Variants in GPR158 observed in about 807,000 individuals in gnomAD.
The protein encoded by GPR158 is G protein-coupled receptor 158.
Under a neutral mutation model 78.2 loss-of-function variants are expected in GPR158, and 30 were observed. The ratio of observed to expected loss-of-function variants is 0.38; its 90% confidence interval spans 0.29 to 0.52. The LOEUF (loss-of-function observed/expected upper bound fraction) is 0.52, where lower values mean the gene tolerates loss of function less well. Ranked by LOEUF, GPR158 falls within the 20% of genes least tolerant of loss-of-function variation. The probability of loss-of-function intolerance (pLI) is 0.83; values close to 1 mark genes in which losing one functional copy is unlikely to be tolerated. For missense variants in GPR158, 1,463 were observed against 1,523.5 expected (o/e 0.96, Z 0.66); for synonymous variants, 581 against 591.1 (o/e 0.98, Z 0.25).
chr10:25,478,255 G>T (rs531066308), intron 5 of GPR158, among the ~76,000 whole-genome samples: 45 of 152,200 alleles, frequency 3.0e-4, no homozygotes, highest in Middle Eastern at 3.4e-3. Flanking sequence ...AAAGCAACAG[G>T]TTATCATCTT....
chr10:25,433,591 G>A (rs1256641764), intron 4 of GPR158, among the ~76,000 whole-genome samples: 5 of 151,094 alleles, frequency 3.3e-5, no homozygotes, highest in South Asian at 2.1e-4. Context: ...GTGCGCGTGC[G>A]CATATATGAA....
At chr10:25,241,089 A>G (rs1314807500) in intron 2 of GPR158, among the ~76,000 whole-genome samples, 1 of 149,864 alleles carries the variant, frequency 6.7e-6, no homozygotes, top group Non-Finnish European at 1.5e-5. Flanking sequence ...GTATTTTTTA[A>G]CTCAATTATG....
chr10:25,281,772 C>T (rs553151252), intron 2 of GPR158, among the ~76,000 whole-genome samples: 6 of 152,008 alleles, frequency 3.9e-5, no homozygotes, highest in African/African-American at 1.4e-4. Context: ...TAGTAAAGAG[C>T]AGAATTAGTG....
chr10:25,601,341 A>C lies in GPR158; in HGVS notation c.*2067A>C, dbSNP rs953864024. ...CTATTTTTGTGTCTTTACACCATTT[A>C]TTTCTTTTATCTCTTCCTTTTCAAT... On this transcript the variant is annotated 3_prime_UTR_variant, in exon 11 of 11. Transcript: ENST00000376351. 1.3e-5 allele frequency: 2 copies of C among 152,428 alleles called. No individual in the cohort carries two copies. The highest frequency in any genetic ancestry group is 3.9e-4 in the East Asian group (2 of 5,182). 9.4% of individuals were successfully genotyped at this position (152,428 alleles called of 1,614,324 possible).
chr10:25,398,461 A>C (rs967987162), intron 3 of GPR158, among the ~76,000 whole-genome samples: 1 of 152,188 alleles, frequency 6.6e-6, no homozygotes, highest in Admixed American at 6.5e-5. Flanking sequence ...ATGTTCTGTG[A>C]AGGTATTTTG....
intron 6 of GPR158, among the ~76,000 whole-genome samples, chr10:25,570,233 G>GGAAA (rs1836986402): frequency 2.6e-5 from 4 of 152,228 alleles, no homozygotes; most frequent in African/African-American, 9.6e-5. Context: ...TAATTACAAT[G>GGAAA]GAAACCTTCT....
chr10:25,516,361 G>A (rs1202265769), intron 5 of GPR158, among the ~76,000 whole-genome samples: 4 of 151,630 alleles, frequency 2.6e-5, no homozygotes, highest in Non-Finnish European at 5.9e-5. Flanking sequence ...CTGTGCAGAA[G>A]CTCTTTAGTT....
chr10:25,229,906 G>A (rs1853425863), intron 2 of GPR158, among the ~76,000 whole-genome samples: 1 of 152,208 alleles, frequency 6.6e-6, no homozygotes, highest in Non-Finnish European at 1.5e-5. Context: ...GAGAGGAATT[G>A]AAGTTCCCAT....
intron 2 of GPR158, among the ~76,000 whole-genome samples, chr10:25,263,549 G>T (rs190484107): frequency 6.6e-6 from 1 of 151,686 alleles, no homozygotes; most frequent in African/African-American, 2.4e-5. Context: ...ATTTTATTTC[G>T]TGCTTAAAGA....
intron 2 of GPR158, among the ~76,000 whole-genome samples, chr10:25,281,624 A>C (rs1854276286): frequency 6.6e-6 from 1 of 151,574 alleles, no homozygotes; most frequent in Non-Finnish European, 1.5e-5. Context: ...AATAAATATC[A>C]AAAATTTGGG....
intron 2 of GPR158, among the ~76,000 whole-genome samples, chr10:25,290,813 A>T (rs780021001): frequency 8.5e-5 from 13 of 152,108 alleles, no homozygotes; most frequent in Non-Finnish European, 1.5e-4. Context: ...CTGTTACATT[A>T]CCTTTTCAAA....
intron 4 of GPR158, among the ~76,000 whole-genome samples, chr10:25,427,577 T>A (rs1834841691): frequency 6.6e-6 from 1 of 152,148 alleles, no homozygotes; most frequent in East Asian, 1.9e-4. Context: ...ATAGGTTTTT[T>A]AAATTTGTAT....
chr10:25,368,257 C>T (rs768856915), intron 2 of GPR158, among the ~76,000 whole-genome samples: 1 of 151,472 alleles, frequency 6.6e-6, no homozygotes, highest in Non-Finnish European at 1.5e-5. Context: ...TCAGGATCTA[C>T]TTCTGATGTA....
At chr10:25,292,743 C>G (rs780197195) in intron 2 of GPR158, among the ~76,000 whole-genome samples, 1 of 151,956 alleles carries the variant, frequency 6.6e-6, no homozygotes, top group Non-Finnish European at 1.5e-5. Flanking sequence ...CTTCCTCTCC[C>G]CACATACACA....
intron 2 of GPR158, among the ~76,000 whole-genome samples, chr10:25,251,476 G>A (rs553958062): frequency 2.3e-4 from 35 of 151,684 alleles, no homozygotes; most frequent in African/African-American, 7.3e-4. Flanking sequence ...CATGTTTAGC[G>A]CTTCCTTCAG....
chr10:25,210,058 A>G lies in GPR158; in HGVS notation c.903-10994A>G, dbSNP rs979640968. Reference sequence around the variant, plus strand: ...GCTAAAACTTAAAAGTCGTGAAATTATGAATCTAGAATCTTCAGTTACACA... The same window carrying G: ...GCTAAAACTTAAAAGTCGTGAAATTGTGAATCTAGAATCTTCAGTTACACA... On this transcript the variant is annotated intron_variant, in intron 1 of 10. Coordinates refer to ENST00000376351, the MANE Select transcript of GPR158 (RefSeq NM_020752.3). 1.2e-4 allele frequency among the ~76,000 whole-genome samples: 18 copies of G among 152,346 alleles called. No homozygotes were observed. The South Asian group carries it at 1.2e-3, about 11-fold the overall frequency.
intron 2 of GPR158, among the ~76,000 whole-genome samples, chr10:25,235,904 G>C (rs1157055001): frequency 6.6e-6 from 1 of 151,766 alleles, no homozygotes; most frequent in Non-Finnish European, 1.5e-5. Flanking sequence ...CATCATGTTA[G>C]CCAGGATGGT....
At chr10:25,324,481 G>T (rs946506621) in intron 2 of GPR158, among the ~76,000 whole-genome samples, 10 of 152,168 alleles carry the variant, frequency 6.6e-5, no homozygotes, top group Non-Finnish European at 1.2e-4. Context: ...TGTATTATAT[G>T]GGCATGGTTC....
At chr10:25,195,116 C>T (rs796753069) in intron 1 of GPR158, among the ~76,000 whole-genome samples, 7 of 151,966 alleles carry the variant, frequency 4.6e-5, no homozygotes, top group African/African-American at 1.4e-4. Context: ...AGATTTTTCC[C>T]CACCCATTGG....
Sources: allele counts gnomAD v4.1 joint callset (sites outside exome capture counted in the v4.1 genomes callset), GRCh38; gene constraint gnomAD v4.1.1; transcripts MANE v1.5; gene names NCBI Gene and HGNC (gene_info 2026-07-23, HGNC 2026-07-21).